Variants in ME3 observed in about 807,000 individuals in gnomAD.
The protein encoded by ME3 is malic enzyme 3, also known as NADP-dependent malic enzyme, mitochondrial.
ME3 carries 48 observed loss-of-function variants against 68.9 expected under a neutral mutation model. The observed-to-expected ratio is 0.70, with a 90% CI of 0.55 to 0.89. The LOEUF (loss-of-function observed/expected upper bound fraction) is 0.89. Ranked by LOEUF, ME3 falls within the 40% of genes least tolerant of loss-of-function variation. ME3 has a pLI of 0.00. For synonymous variants in ME3, 320 were observed against 318.8 expected, an observed-to-expected ratio of 1.00 and a Z score of -0.04; for missense variants, 675 against 797.4, an observed-to-expected ratio of 0.85 and a Z score of 1.85.
chr11:86,487,312 A>C, intron 7 of ME3, 25 bp downstream of exon 7: 1 of 1,597,086 alleles, frequency 6.3e-7, no homozygotes, highest in East Asian at 2.2e-5. Context: ...GTCCTCTTTC[A>C]AAAGGGACAG....
intron 2 of ME3, among the ~76,000 whole-genome samples, chr11:86,564,723 A>G (rs1387351638): frequency 6.6e-6 from 1 of 152,178 alleles, no homozygotes; most frequent in Non-Finnish European, 1.5e-5. Flanking sequence ...AACAACCTAA[A>G]TATAAGATCC....
At chr11:86,531,985 AC>A (rs145500680) in intron 4 of ME3, among the ~76,000 whole-genome samples, 74,310 of 148,086 alleles carry the variant, frequency 0.5, 18,581 homozygotes, top group South Asian at 0.56. Context: ...ATTAAAAAAA[AC>A]CAAACCAAAA....
At chr11:86,445,995 A>T (rs1356354727) in intron 13 of ME3, among the ~76,000 whole-genome samples, 1 of 152,026 alleles carries the variant, frequency 6.6e-6, no homozygotes, top group Non-Finnish European at 1.5e-5. Flanking sequence ...GGTGGCTTTG[A>T]TGGCATCTCT....
intron 1 of ME3, 54 bp downstream of exon 1, chr11:86,672,270 G>T (rs919004873): frequency 5.8e-5 from 17 of 290,696 alleles, no homozygotes; most frequent in Non-Finnish European, 1.0e-4. Context: ...AGGGGTCCCC[G>T]TACCCCTAAT....
At chr11:86,596,783 G>A (rs948452231) in intron 2 of ME3, among the ~76,000 whole-genome samples, 1 of 152,202 alleles carries the variant, frequency 6.6e-6, no homozygotes, top group Non-Finnish European at 1.5e-5. Flanking sequence ...CTTATTCTAT[G>A]TGTAACTCAT....
At chr11:86,483,544 AGAAT>A (rs1191327193) in intron 7 of ME3, among the ~76,000 whole-genome samples, 1 of 152,054 alleles carries the variant, frequency 6.6e-6, no homozygotes, top group Non-Finnish European at 1.5e-5. Context: ...AGAGAGAGAG[AGAAT>A]GAATGAATGA....
intron 2 of ME3, among the ~76,000 whole-genome samples, chr11:86,588,645 G>A (rs1042545378): frequency 6.6e-6 from 1 of 152,192 alleles, no homozygotes; most frequent in African/African-American, 2.4e-5. Context: ...GCAGCCTCAA[G>A]TGGAGCCTTG....
At chr11:86,602,938 C>T (rs941346717) in intron 2 of ME3, among the ~76,000 whole-genome samples, 2 of 152,190 alleles carry the variant, frequency 1.3e-5, no homozygotes, top group Non-Finnish European at 2.9e-5. Context: ...ACACCTTATA[C>T]AAAAATTAAT....
chr11:86,549,605 AACCACCCT>A, intron 4 of ME3, among the ~76,000 whole-genome samples: 1 of 152,336 alleles, frequency 6.6e-6, no homozygotes, highest in Middle Eastern at 3.4e-3. Flanking sequence ...CTAAATGATT[AACCACCCT>A]TGAGCCTGAT....
downstream of ME3, among the ~76,000 whole-genome samples, chr11:86,439,543 G>C (rs1336149820): frequency 6.6e-6 from 1 of 152,052 alleles, no homozygotes; most frequent in African/African-American, 2.4e-5. Flanking sequence ...AATCAGTAAA[G>C]AGAAAAAAAG....
intron 2 of ME3, among the ~76,000 whole-genome samples, chr11:86,597,622 G>A (rs773669352): frequency 1.3e-5 from 2 of 152,140 alleles, no homozygotes; most frequent in Non-Finnish European, 2.9e-5. Flanking sequence ...TACCTACGTG[G>A]GAAATGCCTT....
chr11:86,438,298 AT>A (rs768754848), downstream of ME3, among the ~76,000 whole-genome samples: 1 of 152,212 alleles, frequency 6.6e-6, no homozygotes, highest in East Asian at 1.9e-4. Context: ...CAATTTTTGA[AT>A]GTTAAAAAAC....
chr11:86,637,145 T>C (rs994588790), intron 2 of ME3, among the ~76,000 whole-genome samples: 4 of 151,726 alleles, frequency 2.6e-5, no homozygotes, highest in African/African-American at 9.7e-5. Flanking sequence ...GTGGGTCTTA[T>C]ACGTAACTAA....
intron 2 of ME3, among the ~76,000 whole-genome samples, chr11:86,597,940 G>A (rs976659885): frequency 6.6e-6 from 1 of 152,032 alleles, no homozygotes. Flanking sequence ...ACTGGCAATT[G>A]GTTGAAAGAG....
intron 2 of ME3, among the ~76,000 whole-genome samples, chr11:86,654,000 A>T (rs1295670759): frequency 2.0e-5 from 3 of 152,240 alleles, no homozygotes; most frequent in African/African-American, 7.2e-5. Flanking sequence ...ATCTAGAAGA[A>T]ATGGATAAAT....
At chr11:86,518,427 A>G (rs768934505) in intron 4 of ME3, among the ~76,000 whole-genome samples, 2 of 152,146 alleles carry the variant, frequency 1.3e-5, no homozygotes, top group Non-Finnish European at 2.9e-5. Flanking sequence ...TACATTCCCC[A>G]TATATCTTCC....
intron 10 of ME3, among the ~76,000 whole-genome samples, chr11:86,448,826 G>A (rs1949468108): frequency 6.6e-6 from 1 of 152,204 alleles, no homozygotes; most frequent in African/African-American, 2.4e-5. Context: ...TGGTAAATGG[G>A]TTCAGATGCT....
intron 4 of ME3, among the ~76,000 whole-genome samples, chr11:86,555,837 T>C (rs1956898837): frequency 6.6e-6 from 1 of 152,238 alleles, no homozygotes; most frequent in African/African-American, 2.4e-5. Flanking sequence ...ATGTTGCATA[T>C]TTACATATTT....
intron 4 of ME3, among the ~76,000 whole-genome samples, chr11:86,516,369 CTT>C (rs145909593): frequency 0.33 from 49,409 of 148,200 alleles, 8,162 homozygotes; most frequent in South Asian, 0.43. Flanking sequence ...CTCTCTCTCT[CTT>C]TGTGTGTGTG....
Sources: allele counts gnomAD v4.1 joint callset (sites outside exome capture counted in the v4.1 genomes callset), GRCh38; gene constraint gnomAD v4.1.1; transcripts MANE v1.5; gene names NCBI Gene and HGNC (gene_info 2026-07-23, HGNC 2026-07-21).